Variants in SNHG17 observed in about 807,000 individuals in gnomAD.
SNHG17 encodes the protein small nucleolar RNA host gene 17, also known as small nucleolar RNA host gene 17 (non-protein coding).
chr20:38,429,212 G>A (rs1350854833), intron 3 of SNHG17: 1 of 154,428 alleles, frequency 6.5e-6, no homozygotes, highest in Non-Finnish European at 1.4e-5. Context: ...AGGACTACAG[G>A]GGCATGCACC....
chr20:38,432,438 G>A (rs1287067492), intron 2 of SNHG17, among the ~76,000 whole-genome samples: 1 of 152,124 alleles, frequency 6.6e-6, no homozygotes, highest in African/African-American at 2.4e-5. Context: ...GTCATCTGCG[G>A]GTCAGGGCTG....
intron 5 of SNHG17, among the ~76,000 whole-genome samples, chr20:38,422,822 G>A (rs2084180689): frequency 6.6e-6 from 1 of 152,044 alleles, no homozygotes; most frequent in Admixed American, 6.6e-5. Context: ...CAGGCGCGGT[G>A]GCTCACACCT....
At chr20:38,422,752 C>T (rs1372586810) in intron 5 of SNHG17, among the ~76,000 whole-genome samples, 3 of 151,876 alleles carry the variant, frequency 2.0e-5, no homozygotes, top group African/African-American at 7.3e-5. Flanking sequence ...GTGGCATACG[C>T]ACACACACAC....
intron 5 of SNHG17, among the ~76,000 whole-genome samples, chr20:38,422,443 T>A (rs1024450489): frequency 2.0e-5 from 3 of 152,170 alleles, no homozygotes; most frequent in African/African-American, 7.2e-5. Flanking sequence ...ACTGTCTCTA[T>A]TAGTACTTAC....
intron 2 of SNHG17, chr20:38,433,882 GTT>G: frequency 1.9e-6 from 1 of 519,246 alleles, no homozygotes; most frequent in South Asian, 1.4e-5. Flanking sequence ...AAGCTCCAGA[GTT>G]TGAAAGGGAC....
At chr20:38,424,405 G>T (rs1410282544) in intron 5 of SNHG17, among the ~76,000 whole-genome samples, 1 of 152,070 alleles carries the variant, frequency 6.6e-6, no homozygotes, top group Admixed American at 6.6e-5. Flanking sequence ...TTAATCTAAG[G>T]CCAGAAGGAA....
intron 5 of SNHG17, among the ~76,000 whole-genome samples, chr20:38,424,324 G>T (rs1235058360): frequency 6.6e-6 from 1 of 152,054 alleles, no homozygotes; most frequent in African/African-American, 2.4e-5. Flanking sequence ...GTGTGTAAGA[G>T]CTGCATTCAT....
chr20:38,430,965 T>G (rs1409813833), intron 3 of SNHG17: 1 of 152,914 alleles, frequency 6.5e-6, no homozygotes, highest in Admixed American at 6.5e-5. Flanking sequence ...TCCCCACTCC[T>G]CAGCACCCAA....
At chr20:38,428,611 G>C (rs2084287707) in intron 3 of SNHG17, 1 of 152,268 alleles carries the variant, frequency 6.6e-6, no homozygotes, top group South Asian at 2.1e-4. Context: ...AAAGGGGCTA[G>C]AGAACTTCTA....
intron 2 of SNHG17, among the ~76,000 whole-genome samples, chr20:38,432,998 A>G (rs777469415): frequency 2.6e-5 from 4 of 151,258 alleles, no homozygotes; most frequent in Non-Finnish European, 5.9e-5. Context: ...TTAGGGACAT[A>G]GTCTCACTCT....
rs765781057 is a variant in SNHG17, at chr20:38,426,995, TACACACACACAC to T, written n.381-504_381-493del. 5.2e-3 allele frequency among the ~76,000 whole-genome samples: 652 copies of T among 125,646 alleles called. 15 individuals carry two copies. Among genetic ancestry groups the T allele is most frequent in the African/African-American group, 0.017 (606 of 35,170 alleles). The allele number at this position is 125,646 out of a possible 152,430, so 82.4% of individuals were successfully genotyped here. A position where few individuals can be genotyped will look rare whatever the true frequency, so the allele number is the denominator to read the frequency against. On this transcript the variant is annotated intron_variant and non_coding_transcript_variant, in intron 3 of 8. Coordinates refer to ENST00000654008, the Ensembl canonical transcript of SNHG17. ...CCCTATCCTGTCCCCAAGTTACACA[TACACACACACAC>T]ACACACACACACACACACACACACA... is the stretch of plus-strand genomic sequence containing the variant.
At chr20:38,433,122 G>T (rs2084364566) in intron 2 of SNHG17, among the ~76,000 whole-genome samples, 1 of 151,876 alleles carries the variant, frequency 6.6e-6, no homozygotes, top group South Asian at 2.1e-4. Flanking sequence ...TTATAGGCGT[G>T]TGCCACCACA....
intron 5 of SNHG17, among the ~76,000 whole-genome samples, chr20:38,422,751 G>A (rs1015423495): frequency 1.3e-5 from 2 of 151,618 alleles, no homozygotes; most frequent in Non-Finnish European, 1.5e-5. Context: ...TGTGGCATAC[G>A]CACACACACA....
intron 6 of SNHG17, chr20:38,421,170 G>A (rs1568851911): frequency 6.6e-6 from 1 of 152,310 alleles, no homozygotes. Flanking sequence ...TGACACCACT[G>A]AGAGGGGTCC....
In SNHG17 at chr20:38,427,441, G is replaced by A. The variant is rs113996462; in HGVS notation, n.381-938C>T. The A allele has an allele frequency of 4.5e-3, 2,305 of 515,938 alleles. 48 individuals are homozygous for A. Among genetic ancestry groups the A allele is most frequent in the African/African-American group, 0.04 (2,055 of 51,940 alleles). 32.0% of individuals were successfully genotyped at this position (515,938 alleles called of 1,614,324 possible). A position where few individuals can be genotyped will look rare whatever the true frequency, so the allele number is the denominator to read the frequency against. On this transcript the variant is annotated intron_variant and non_coding_transcript_variant, in intron 3 of 8. Coordinates refer to ENST00000654008, the Ensembl canonical transcript of SNHG17. ...AGCCTATGATCACTTTCGGATGCAG[G>A]AGCAGAAACAGACAGGAGAGCCAGG...
intron 3 of SNHG17, among the ~76,000 whole-genome samples, chr20:38,430,310 C>A (rs1252837686): frequency 6.9e-6 from 1 of 144,528 alleles, no homozygotes; most frequent in Non-Finnish European, 1.5e-5. Context: ...AACAGAGACT[C>A]CGTCTCAAAA....
chr20:38,426,474 G>C lies in SNHG17; in HGVS notation n.410C>G, dbSNP rs2084250837. 2 of 139,742 alleles carry C rather than the reference G, an allele frequency of 1.4e-5. 1 individual carries two copies. Among genetic ancestry groups the C allele is most frequent in the South Asian group, 4.6e-4 (2 of 4,336 alleles). The allele number at this position is 139,742 out of a possible 1,614,324, so 8.7% of individuals were successfully genotyped here. A position where few individuals can be genotyped will look rare whatever the true frequency, so the allele number is the denominator to read the frequency against. ...GAAGACACGTCACCTGGGGCCACTG[G>C]GCACACAGGACAGAGGTCAGCTGAC... On this transcript the variant is annotated non_coding_transcript_exon_variant, in exon 4 of 9. Coordinates refer to ENST00000654008, the Ensembl canonical transcript of SNHG17.
At chr20:38,427,359 G>A (rs375536948) in intron 3 of SNHG17, 22 of 518,022 alleles carry the variant, frequency 4.2e-5, no homozygotes, top group Middle Eastern at 3.2e-4. Flanking sequence ...CTCCAAACAC[G>A]GGGACAACCT....
chr20:38,431,623 T>G (rs1179922439), intron 2 of SNHG17, among the ~76,000 whole-genome samples: 1 of 152,162 alleles, frequency 6.6e-6, no homozygotes, highest in Admixed American at 6.5e-5. Flanking sequence ...GGTGTGATCC[T>G]AAGAAAAATC....
Sources: allele counts gnomAD v4.1 joint callset (sites outside exome capture counted in the v4.1 genomes callset), GRCh38; gene constraint gnomAD v4.1.1; transcripts MANE v1.5; gene names NCBI Gene and HGNC (gene_info 2026-07-23, HGNC 2026-07-21).